Variants in DOCK10 observed in about 807,000 individuals in gnomAD.
DOCK10 encodes dedicator of cytokinesis 10.
In DOCK10, 145 loss-of-function variants were observed where a neutral mutation model predicts 280.1. The observed-to-expected ratio is 0.52, with a 90% CI of 0.45 to 0.59. The LOEUF (loss-of-function observed/expected upper bound fraction) is 0.59, where lower values mean the gene tolerates loss of function less well. Among genes scored for constraint, DOCK10 ranks in the 20% least tolerant of loss-of-function variants. The pLI, the probability that DOCK10 is intolerant of heterozygous loss-of-function variation, is 0.00. For synonymous variants in DOCK10, 915 were observed against 942.2 expected (o/e 0.97, Z 0.53); for missense variants, 2,368 against 2,651.7 (o/e 0.89, Z 2.35).
Position 224,788,862 on chromosome 2 carries a change from T to G in DOCK10, c.5418+202A>C, listed in dbSNP as rs1050965601. Among the ~76,000 whole-genome samples, 79 of 152,234 alleles carry G rather than the reference T, an allele frequency of 5.2e-4. 1 individual carries two copies. The highest frequency in any genetic ancestry group is 1.9e-3 in the African/African-American group (77 of 41,460). On this transcript the variant is annotated intron_variant, in intron 48 of 55. Transcript: ENST00000258390. Reference sequence around the variant, plus strand: ...TGATAATATACATTTGAGTCCATCTTAGAGAAGTAAGACTTAGTTTAAATT... The same window carrying G: ...TGATAATATACATTTGAGTCCATCTGAGAGAAGTAAGACTTAGTTTAAATT...
At position 224,968,466 on chromosome 2, in the gene DOCK10, C is replaced by A. The variant is rs192871284; in HGVS notation, c.124-36798G>T. Among the ~76,000 whole-genome samples, 4 of 152,296 alleles carry A rather than the reference C, an allele frequency of 2.6e-5. No individual in the cohort carries two copies. The East Asian group carries it at 7.7e-4, about 29-fold the overall frequency. ...CCTAATTTCCCACTTCAATGACTGC[C>A]CTTTGGCACATAGCTGCTTTTAATC... is the stretch of plus-strand genomic sequence containing the variant. On this transcript the variant is annotated intron_variant, in intron 1 of 55. Coordinates refer to ENST00000258390, the MANE Select transcript of DOCK10 (RefSeq NM_014689.3).
rs769028908 is a variant in DOCK10 at position 224,800,254 on chromosome 2, T to C, written c.4403A>G (p.Asn1468Ser). The change falls in exon 41 of 56, where the codon AAT becomes AGT. Residue 1468 changes from asparagine (N) to serine (S), a missense_variant. Asn to Ser is a conservative substitution (Grantham distance 46, BLOSUM62 1). Coordinates refer to ENST00000258390, the MANE Select transcript of DOCK10 (RefSeq NM_014689.3). ...TACATGATGCACGATGTCTATTTCA[T>C]TGGAGTTGCCTATAAAATACAAAAT... Reference protein sequence around the residue: ...MLDNTMTSNSNEIDIVHHVDT... With the variant: ...MLDNTMTSNSSEIDIVHHVDT... The C allele has an allele frequency of 1.4e-5, 23 of 1,606,796 alleles. No homozygotes were observed. Among genetic ancestry groups the C allele is most frequent in the Non-Finnish European group, 2.0e-5 (23 of 1,174,828 alleles).
At chr2:224,823,769 C>A in intron 27 of DOCK10, 122 bp from the exon 28 acceptor site, 1 of 904,870 alleles carries the variant, frequency 1.1e-6, no homozygotes, top group Non-Finnish European at 1.5e-6. Flanking sequence ...CTTTTGAAAA[C>A]TTGAAAGCAG....
chr2:224,845,002 G>C (rs1696234065), intron 21 of DOCK10, among the ~76,000 whole-genome samples, 163 bp from the exon 22 acceptor site: 1 of 152,186 alleles, frequency 6.6e-6, no homozygotes, highest in African/African-American at 2.4e-5. Flanking sequence ...TGGTAGATGA[G>C]ACCAATATGA....
intron 1 of DOCK10, among the ~76,000 whole-genome samples, chr2:224,979,016 C>T (rs959373480): frequency 1.3e-5 from 2 of 152,172 alleles, no homozygotes; most frequent in Admixed American, 1.3e-4. Context: ...TGAAATCTAT[C>T]CAGAATCTGA....
At chr2:225,026,750 TA>T (rs1004602838) in intron 1 of DOCK10, among the ~76,000 whole-genome samples, 1 of 151,952 alleles carries the variant, frequency 6.6e-6, no homozygotes, top group African/African-American at 2.4e-5. Context: ...TGAAATCACC[TA>T]GGGGGGGTTT....
At chr2:224,915,308 A>G (rs937810673) in intron 3 of DOCK10, among the ~76,000 whole-genome samples, 11 of 152,204 alleles carry the variant, frequency 7.2e-5, no homozygotes, top group Admixed American at 3.3e-4. Context: ...ACTCTAAACA[A>G]AATATTATCA....
At chr2:224,891,195 C>G (rs10202066) in intron 4 of DOCK10, among the ~76,000 whole-genome samples, 35,906 of 152,024 alleles carry the variant, frequency 0.24, 5,821 homozygotes, top group African/African-American at 0.47. Flanking sequence ...TCATTGTACA[C>G]CAATCTTTTA....
At chr2:224,926,439 G>A (rs113188534) in intron 2 of DOCK10, among the ~76,000 whole-genome samples, 1,756 of 152,276 alleles carry the variant, frequency 0.012, 30 homozygotes, top group African/African-American at 0.04. Flanking sequence ...AGTGGCTCAC[G>A]CCTGTAATCC....
chr2:224,788,981 T>C, intron 48 of DOCK10, 83 bp downstream of exon 48: 1 of 802,196 alleles, frequency 1.2e-6, no homozygotes. Context: ...GCTGTAAGCT[T>C]GTTTCCCCCT....
chr2:224,830,920 TTTTATTTATTTA>T (rs61701805), intron 26 of DOCK10, among the ~76,000 whole-genome samples: 41 of 148,534 alleles, frequency 2.8e-4, no homozygotes, highest in Non-Finnish European at 2.4e-4. Flanking sequence ...CTAAACAAAC[TTTTATTTATTTA>T]TTTATTTATT....
intron 14 of DOCK10, 163 bp downstream of exon 14, chr2:224,862,501 A>G: frequency 1.7e-6 from 1 of 604,008 alleles, no homozygotes; most frequent in Non-Finnish European, 3.0e-6. Context: ...TGTGAAATGT[A>G]TGTCTCAGAG....
chr2:224,823,191 T>C (rs1440983689), intron 28 of DOCK10, among the ~76,000 whole-genome samples: 1 of 152,070 alleles, frequency 6.6e-6, no homozygotes, highest in Non-Finnish European at 1.5e-5. Flanking sequence ...TTTCACCATG[T>C]TGGCCAGGAT....
At position 224,874,618 on chromosome 2, in the gene DOCK10, A is replaced by G. The variant is rs200931582; in HGVS notation, c.1017+48T>C. Reference sequence around the variant, plus strand: ...CGTCTTTTCCATGAAAGCAATAACTAACAAATAATTCAAATTGGTTTTGCA... The same window carrying G: ...CGTCTTTTCCATGAAAGCAATAACTGACAAATAATTCAAATTGGTTTTGCA... On this transcript the variant is annotated intron_variant, in intron 9 of 55. Coordinates refer to ENST00000258390, the MANE Select transcript of DOCK10 (RefSeq NM_014689.3). The G allele has an allele frequency of 3.3e-5, 51 of 1,530,936 alleles. No homozygotes were observed. In the African/African-American group the frequency reaches 6.5e-4, roughly 20 times the overall value. The allele number at this position is 1,530,936 out of a possible 1,614,324, so 94.8% of individuals were successfully genotyped here.
intron 11 of DOCK10, among the ~76,000 whole-genome samples, chr2:224,873,659 T>G (rs531777895): frequency 1.5e-5 from 2 of 137,702 alleles, no homozygotes; most frequent in Non-Finnish European, 3.1e-5. Context: ...CACAATGCCA[T>G]AGGAAACTCT....
intron 1 of DOCK10, among the ~76,000 whole-genome samples, chr2:225,019,623 G>A (rs1357877146): frequency 3.3e-5 from 5 of 152,096 alleles, no homozygotes; most frequent in Non-Finnish European, 5.9e-5. Flanking sequence ...CTAAAATGCA[G>A]TGGTCTGCTC....
intron 1 of DOCK10, among the ~76,000 whole-genome samples, chr2:224,950,187 T>C (rs1364255517): frequency 6.6e-6 from 1 of 152,166 alleles, no homozygotes; most frequent in Non-Finnish European, 1.5e-5. Context: ...TTTGCATTAA[T>C]CTAGATATTA....
chr2:224,934,538 T>C (rs941549608), intron 1 of DOCK10, among the ~76,000 whole-genome samples: 4 of 152,214 alleles, frequency 2.6e-5, no homozygotes, highest in African/African-American at 7.2e-5. Context: ...GCTTTACACA[T>C]CTGTGATGGC....
At chr2:224,999,726 T>TTTTG (rs55681716) in intron 1 of DOCK10, among the ~76,000 whole-genome samples, 1 of 151,422 alleles carries the variant, frequency 6.6e-6, no homozygotes, top group East Asian at 1.9e-4. Context: ...TTTTTTTTTT[T>TTTTG]GGTAGATTCT....
Sources: allele counts gnomAD v4.1 joint callset (sites outside exome capture counted in the v4.1 genomes callset), GRCh38; gene constraint gnomAD v4.1.1; transcripts MANE v1.5; gene names NCBI Gene and HGNC (gene_info 2026-07-23, HGNC 2026-07-21).